MVP: variants seen among roughly 807,000 people sequenced by gnomAD.
MVP encodes major vault protein, also known as lung resistance-related protein.
In MVP, 62 loss-of-function variants were observed where a neutral mutation model predicts 83.5. The ratio of observed to expected loss-of-function variants is 0.74; its 90% confidence interval spans 0.61 to 0.92. The LOEUF is 0.92. Among genes scored for constraint, MVP ranks in the 40% least tolerant of loss-of-function variants. The probability of loss-of-function intolerance (pLI) is 0.00; values close to 1 mark genes in which losing one functional copy is unlikely to be tolerated. For synonymous variants in MVP, 505 were observed against 504.1 expected (o/e 1.00, Z -0.02); for missense variants, 1,000 against 1,203.4 (o/e 0.83, Z 2.50).
At chr16:29,842,853 C>A (rs573731813) in intron 10 of MVP, among the ~76,000 whole-genome samples, 4 of 152,334 alleles carry the variant, frequency 2.6e-5, no homozygotes, top group African/African-American at 9.6e-5. Context: ...CAGGACACTA[C>A]CCCAACTAAG....
chr16:29,840,203 CAGG>C lies in MVP; in HGVS notation c.938_940del (p.Gly313del). On this transcript the variant is annotated inframe_deletion, in exon 8 of 15. Transcript: ENST00000357402. ...GGAGAGAAGTCTTTTTTCCTCCAGC[CAGG>C]AGAGCAGCTGGAACAAGGCATCCAG... 6.2e-7 allele frequency: 1 copy of C among 1,611,484 alleles called. No homozygotes were observed. Among genetic ancestry groups the C allele is most frequent in the South Asian group, 1.1e-5 (1 of 90,986 alleles).
rs190812435 is a variant in MVP at position 29,845,682 on chromosome 16, C to T, written c.2022-181C>T. ...GGCCGCAGTCACGCCTGCATTTGTC[C>T]GGCCTAGAATGACACTGGCTTGTGG... On this transcript the variant is annotated intron_variant, in intron 11 of 14. Coordinates refer to ENST00000357402, the MANE Select transcript of MVP (RefSeq NM_005115.5). Among the ~76,000 whole-genome samples the T allele has an allele frequency of 1.2e-4, 18 of 152,320 alleles. No individual in the cohort carries two copies. The East Asian group carries it at 2.5e-3, about 21-fold the overall frequency.
Position 29,844,700 on chromosome 16 carries a change from C to A in MVP, c.1842C>A (p.Pro614=). The A allele has an allele frequency of 6.2e-7, 1 of 1,613,982 alleles. No homozygotes were observed. The highest frequency in any genetic ancestry group is 1.3e-5 in the African/African-American group (1 of 75,068). ...TTGAGACCTCGGAAGCGAAGGGCCCCGATGGCATGGCCCTGCCCAGGCCCC... is the reference window on the plus strand; with the variant it reads ...TTGAGACCTCGGAAGCGAAGGGCCCAGATGGCATGGCCCTGCCCAGGCCCC... ...FGFETSEAKG[P]DGMALPRPRD... is the part of the protein sequence containing the mutation. The change falls in exon 11 of 15, where the codon CCC becomes CCA. Residue 614 remains proline (P), a synonymous_variant. Coordinates refer to ENST00000357402, the MANE Select transcript of MVP (RefSeq NM_005115.5).
intron 1 of MVP, among the ~76,000 whole-genome samples, chr16:29,821,815 G>C (rs1053080630): frequency 6.6e-6 from 1 of 152,216 alleles, no homozygotes; most frequent in African/African-American, 2.4e-5. Flanking sequence ...TCTGAAGTGG[G>C]AGCTGTTACT....
chr16:29,833,673 A>C (rs909847481), intron 3 of MVP, 60 bp from the exon 4 acceptor site: 2 of 1,603,460 alleles, frequency 1.2e-6, no homozygotes, highest in Non-Finnish European at 1.7e-6. Context: ...CCAGAGCATC[A>C]GGCTTGGCCC....
In MVP at chr16:29,833,759, G is replaced by A. The variant is rs762638704; in HGVS notation, c.348G>A (p.Leu116=). 6.2e-7 allele frequency: 1 copy of A among 1,614,058 alleles called. No homozygotes were observed. The highest frequency in any genetic ancestry group is 1.1e-5 in the South Asian group (1 of 91,084). ...ACATCACACCCCTGCAGGTGGTTCT[G>A]CCCAACACTGCCCTCCATCTAAAGG... ...EKDITPLQVV[L]PNTALHLKAL... is the part of the protein sequence containing the mutation. Residue 116 remains leucine, a synonymous_variant, in exon 4 of 15, where the codon CTG becomes CTA. Transcript: ENST00000357402.
At chr16:29,829,492 C>T (rs1362440417) in intron 1 of MVP, 1 of 146,874 alleles carries the variant, frequency 6.8e-6, no homozygotes, top group East Asian at 2.0e-4. Flanking sequence ...TGACCTGAGT[C>T]TCTTAAGGAT....
At chr16:29,835,830 C>T (rs766317289) in intron 6 of MVP, 32 bp downstream of exon 6, 3 of 1,592,924 alleles carry the variant, frequency 1.9e-6, no homozygotes, top group Admixed American at 1.7e-5. Flanking sequence ...GTTTAAGGGA[C>T]CTGGGGCTAG....
chr16:29,846,061 G>T (rs554444439), intron 12 of MVP, 82 bp downstream of exon 12: 6 of 1,609,028 alleles, frequency 3.7e-6, no homozygotes, highest in East Asian at 2.2e-5. Context: ...GGCCTGGGTG[G>T]GGTGTCGATG....
intron 1 of MVP, among the ~76,000 whole-genome samples, chr16:29,825,719 C>G (rs2067400385): frequency 6.6e-6 from 1 of 152,238 alleles, no homozygotes; most frequent in African/African-American, 2.4e-5. Flanking sequence ...GACCCCCTGA[C>G]TGGGCCCAGC....
Position 29,841,534 on chromosome 16 carries a change from C to T in MVP, c.1192-62C>T, listed in dbSNP as rs908848392. On this transcript the variant is annotated intron_variant, in intron 8 of 14. Transcript: ENST00000357402. This position sits in a 1 kb window ranked among gnomAD's most constrained non-coding sequence, Gnocchi z 4.7. ...CTGGATGGGCTCTGCTTTGGGACAG[C>T]TGGGCGGATCTTCCTCCCTTCCACC... The T allele has an allele frequency of 4.0e-6, 6 of 1,517,112 alleles. No individual in the cohort carries two copies. In the East Asian group the frequency reaches 1.4e-4, roughly 34 times the overall value. The allele number at this position is 1,517,112 out of a possible 1,614,324, so 94.0% of individuals were successfully genotyped here.
chr16:29,824,315 T>C (rs1325293995), intron 1 of MVP, among the ~76,000 whole-genome samples: 1 of 150,140 alleles, frequency 6.7e-6, no homozygotes, highest in East Asian at 2.0e-4. Context: ...GACTGTAATG[T>C]GCATGCAAGT....
chr16:29,824,613 C>T (rs1324593277), intron 1 of MVP, among the ~76,000 whole-genome samples: 1 of 152,190 alleles, frequency 6.6e-6, no homozygotes, highest in Admixed American at 6.5e-5. Flanking sequence ...AAAAAATTAG[C>T]CAGGCTTGGT....
At chr16:29,834,738 T>C (rs1221939753) in intron 5 of MVP, 1 of 150,800 alleles carries the variant, frequency 6.6e-6, no homozygotes. Flanking sequence ...CAGGTTGGAG[T>C]GCAGTGGCGC....
At position 29,847,990 on chromosome 16, in the gene MVP, C is replaced by G. The variant is rs145750934; in HGVS notation, c.*1C>G. On this transcript the variant is annotated 3_prime_UTR_variant, in exon 15 of 15. Transcript: ENST00000357402. ...CCACGTGGTGCCTGTACTGCGCTAA[C>G]TCCTGATTAATACAATGGAAGTTTC... 217 of 1,605,908 alleles carry G rather than the reference C, an allele frequency of 1.4e-4. 3 individuals carry two copies. The East Asian group carries it at 4.8e-3, about 35-fold the overall frequency.
chr16:29,830,315 G>A (rs1010509001), intron 1 of MVP, 200 bp from the exon 2 acceptor site: 1 of 449,386 alleles, frequency 2.2e-6, no homozygotes, highest in Admixed American at 3.8e-5. Flanking sequence ...TCTTGGCAAA[G>A]GTAAGGTCAG....
At position 29,846,235 on chromosome 16, in the gene MVP, G is replaced by A. The variant is rs1478428126; in HGVS notation, c.2216G>A (p.Gly739Glu). The change falls in exon 13 of 15, where the codon GGG (glycine) becomes GAG (glutamate). Residue 739 changes from glycine to glutamate, a missense_variant. By Grantham distance (98) the Gly-to-Glu change is moderately conservative. Transcript: ENST00000357402. ...GAGGCAGCCCGGATTGAGGGAGAAG[G>A]GTCCGTGCTGCAGGCCAAGCTAAAA... ...RAEAARIEGE[G>E]SVLQAKLKAQ... 8.2e-6 allele frequency: 13 copies of A among 1,584,268 alleles called. No individual in the cohort carries two copies. Among genetic ancestry groups the A allele is most frequent in the Non-Finnish European group, 1.0e-5 (12 of 1,164,674 alleles).
intron 10 of MVP, among the ~76,000 whole-genome samples, chr16:29,843,190 T>G (rs1428212149): frequency 6.6e-6 from 1 of 152,060 alleles, no homozygotes; most frequent in Non-Finnish European, 1.5e-5. Context: ...AGATAAGTCA[T>G]GTACAGAAAC....
At chr16:29,824,228 A>AC (rs1278363859) in intron 1 of MVP, among the ~76,000 whole-genome samples, 3 of 149,550 alleles carry the variant, frequency 2.0e-5, no homozygotes, top group Non-Finnish European at 4.5e-5. Flanking sequence ...AAAAAAAAAA[A>AC]AAAAAAAAAA....
Sources: gnomAD v4.1 joint callset for allele counts (sites outside exome capture counted in the v4.1 genomes callset) on GRCh38, gnomAD v4.1.1 for gene constraint, Gnocchi (gnomAD v3.1) non-coding constraint, MANE v1.5 for transcripts, NCBI Gene and HGNC (gene_info 2026-07-23, HGNC 2026-07-21) for gene names.